Variants in ADGRG1 observed in about 807,000 individuals in gnomAD.
The protein encoded by ADGRG1 is 7-transmembrane protein with no EGF-like N-terminal domains-1.
ADGRG1 carries 53 observed loss-of-function variants against 73.5 expected under a neutral mutation model. The observed-to-expected ratio is 0.72, with a 90% confidence interval of 0.58 to 0.91. The LOEUF (loss-of-function observed/expected upper bound fraction) is 0.91. Among genes scored for constraint, ADGRG1 ranks in the 40% least tolerant of loss-of-function variants. The probability of loss-of-function intolerance (pLI) is 0.00; values close to 1 mark genes in which losing one functional copy is unlikely to be tolerated. For synonymous variants in ADGRG1, 394 were observed against 374.4 expected, an observed-to-expected ratio of 1.05 and a Z score of -0.60; for missense variants, 795 against 871.8, an observed-to-expected ratio of 0.91 and a Z score of 1.11.
At chr16:57,660,547 G>A (rs2046837248) in intron 11 of ADGRG1, 4 of 749,618 alleles carry the variant, frequency 5.3e-6, no homozygotes, top group African/African-American at 1.9e-5. Context: ...GAAGGGCAGG[G>A]CTAAGGTTGG....
At chr16:57,639,585 G>A in intron 1 of ADGRG1, 1 of 985,398 alleles carries the variant, frequency 1.0e-6, no homozygotes, top group Non-Finnish European at 1.2e-6. Flanking sequence ...AGCCCCGCAG[G>A]CTACTGCCTG....
chr16:57,647,427 A>G (rs1383277461), intron 1 of ADGRG1: 1 of 985,190 alleles, frequency 1.0e-6, no homozygotes, highest in Non-Finnish European at 1.2e-6. Flanking sequence ...AGGGGCAGGC[A>G]TGAGCTGTTT....
chr16:57,652,283 G>A (rs563381675), intron 3 of ADGRG1: 74 of 354,414 alleles, frequency 2.1e-4, no homozygotes, highest in Non-Finnish European at 2.7e-4. Flanking sequence ...TGGCCAGGAA[G>A]GGAGGAGCAT....
intron 1 of ADGRG1, chr16:57,632,078 T>C: frequency 1.0e-6 from 1 of 985,414 alleles, no homozygotes; most frequent in Non-Finnish European, 1.2e-6. Context: ...CTGGGCTCAG[T>C]GCCTTGCACA....
chr16:57,659,841 C>A (rs1467857159), intron 11 of ADGRG1, among the ~76,000 whole-genome samples, 160 bp downstream of exon 11: 3 of 152,182 alleles, frequency 2.0e-5, no homozygotes, highest in Non-Finnish European at 4.4e-5. Flanking sequence ...ATCAAGGTCC[C>A]CTTTAGGAAG....
At position 57,659,447 on chromosome 16, in the gene ADGRG1, A is replaced by G. The variant is rs372478842; in HGVS notation, c.1321A>G (p.Met441Val). 2.5e-6 allele frequency: 4 copies of G among 1,613,908 alleles called. No individual in the cohort carries two copies. In the Admixed American group the frequency reaches 5.0e-5, roughly 20 times the overall value. ...TCGGGACTACACCATCAAGGTGCAC[A>G]TGAACCTGCTGCTGGCCGTCTTCCT... ...KPRDYTIKVH[M>V]NLLLAVFLLD... The change falls in exon 11 of 14, where the codon ATG becomes GTG. Residue 441 changes from methionine to valine, a missense_variant. By Grantham distance (21) the Met-to-Val change is conservative. Coordinates refer to ENST00000562631, the MANE Select transcript of ADGRG1 (RefSeq NM_201525.4).
chr16:57,643,793 C>T (rs543051605), intron 1 of ADGRG1: 7 of 984,552 alleles, frequency 7.1e-6, no homozygotes, highest in Non-Finnish European at 8.4e-6. Context: ...TTCCGTCACT[C>T]ACTTGGGGAG....
chr16:57,641,114 A>G, intron 1 of ADGRG1: 1 of 929,998 alleles, frequency 1.1e-6, no homozygotes, highest in South Asian at 5.0e-5. Context: ...GGGAGCCTGG[A>G]GGGCCCTGGC....
At chr16:57,647,401 C>A in intron 1 of ADGRG1, 1 of 984,816 alleles carries the variant, frequency 1.0e-6, no homozygotes, top group Non-Finnish European at 1.2e-6. Context: ...CTGTGACAGG[C>A]CCAGGGGGCT....
intron 1 of ADGRG1, chr16:57,637,348 G>C (rs1385637587): frequency 1.0e-6 from 1 of 985,176 alleles, no homozygotes; most frequent in Admixed American, 6.1e-5. Context: ...ATTACTATGA[G>C]TGGGATGTTT....
intron 5 of ADGRG1, 79 bp downstream of exon 5, chr16:57,654,212 G>C (rs2044884931): frequency 7.1e-7 from 1 of 1,413,064 alleles, no homozygotes; most frequent in Non-Finnish European, 9.7e-7. Context: ...AGCACTCCCT[G>C]AAGCTCAGTG....
At chr16:57,646,993 G>A (rs1376235086) in intron 1 of ADGRG1, 5 of 978,894 alleles carry the variant, frequency 5.1e-6, no homozygotes, top group African/African-American at 1.8e-5. Flanking sequence ...GGGGATCTGC[G>A]GCTCCAGAGG....
chr16:57,633,021 C>A, intron 1 of ADGRG1: 1 of 874,806 alleles, frequency 1.1e-6, no homozygotes, highest in Non-Finnish European at 1.4e-6. Context: ...GTCCCCAGGT[C>A]TCTGTCCTCC....
chr16:57,652,575 G>A, intron 3 of ADGRG1: 2 of 966,500 alleles, frequency 2.1e-6, no homozygotes, highest in Non-Finnish European at 2.5e-6. Flanking sequence ...GGTCTTGTTT[G>A]GCCTGTAGAG....
At position 57,654,036 on chromosome 16, in the gene ADGRG1, AC is replaced by A; in HGVS notation, c.672del (p.Asp224GlufsTer99). The A allele has an allele frequency of 6.2e-7, 1 of 1,613,968 alleles. No individual in the cohort carries two copies. ...SKLTSVRFMG[D>X]MVSFEEDRIN... is the part of the protein sequence containing the mutation. ...CTGACCTCTGTGAGATTCATGGGGG[AC>A]ATGGTGTCCTTCGAGGAGGACCGGA... On this transcript the variant is annotated frameshift_variant, in exon 5 of 14. Transcript: ENST00000562631. LOFTEE classifies it high-confidence loss of function.
upstream of ADGRG1, chr16:57,628,135 A>G: frequency 1.1e-6 from 1 of 884,234 alleles, no homozygotes; most frequent in Non-Finnish European, 1.3e-6. Context: ...GCTGCCTGTC[A>G]CCCGCTCCCT....
chr16:57,632,063 A>G (rs974163145), intron 1 of ADGRG1: 1 of 985,348 alleles, frequency 1.0e-6, no homozygotes, highest in Admixed American at 6.1e-5. Flanking sequence ...AGATTCTGCC[A>G]GGCCCTGGGC....
At position 57,628,630 on chromosome 16, in the gene ADGRG1, G is replaced by C; in HGVS notation, c.-208G>C. ...AAACAAACCCGGTCCCTCCCTCTCC[G>C]CACTAGCTGTCTGCCCTGCCCTGCC... On this transcript the variant is annotated 5_prime_UTR_variant, in exon 1 of 14. Coordinates refer to ENST00000562631, the MANE Select transcript of ADGRG1 (RefSeq NM_201525.4). The C allele has an allele frequency of 5.1e-6, 5 of 985,488 alleles. No homozygotes were observed. Among genetic ancestry groups the C allele is most frequent in the Non-Finnish European group, 6.0e-6 (5 of 829,952 alleles). The allele number at this position is 985,488 out of a possible 1,614,324, so 61.0% of individuals were successfully genotyped here.
At chr16:57,628,452 C>A, upstream of ADGRG1, 1 of 914,930 alleles carries the variant, frequency 1.1e-6, no homozygotes, top group East Asian at 1.2e-4. Context: ...TCATGGGCAT[C>A]CCCCAGGATC....
Sources: allele counts gnomAD v4.1 joint callset (sites outside exome capture counted in the v4.1 genomes callset), GRCh38; gene constraint gnomAD v4.1.1; transcripts MANE v1.5; gene names NCBI Gene and HGNC (gene_info 2026-07-23, HGNC 2026-07-21).